The following VWF variants were observed in gnomAD, a reference collection of about 807,000 sequenced individuals.
VWF encodes Factor VIII related antigen.
Under a neutral mutation model 308.6 loss-of-function variants are expected in VWF, and 176 were observed. The ratio of observed to expected loss-of-function variants is 0.57; its 90% CI spans 0.50 to 0.65. VWF has a LOEUF of 0.65. Ranked by LOEUF, VWF falls within the 30% of genes least tolerant of loss-of-function variation. VWF has a pLI of 0.00. For missense variants in VWF, 3,146 were observed against 3,648.2 expected (o/e 0.86, Z 3.55); for synonymous variants, 1,385 against 1,443.4 (o/e 0.96, Z 0.92).
intron 48 of VWF, among the ~76,000 whole-genome samples, chr12:5,952,808 G>C (rs1453788203): frequency 1.3e-5 from 2 of 152,222 alleles, no homozygotes; most frequent in African/African-American, 4.8e-5. Flanking sequence ...AACTGAACTA[G>C]AGATGAACGA....
intron 2 of VWF, among the ~76,000 whole-genome samples, chr12:6,122,296 T>C (rs939757352): frequency 6.6e-6 from 1 of 152,234 alleles, no homozygotes; most frequent in Non-Finnish European, 1.5e-5. Flanking sequence ...TGAGCATCTT[T>C]GTACATAAAT....
chr12:6,102,360 T>G (rs969470268), intron 5 of VWF, among the ~76,000 whole-genome samples: 3 of 152,106 alleles, frequency 2.0e-5, no homozygotes, highest in African/African-American at 7.2e-5. Context: ...GAGAATAGCT[T>G]GAACCTGGGA....
chr12:6,099,193 G>T (rs1304936499), intron 5 of VWF, among the ~76,000 whole-genome samples: 1 of 151,664 alleles, frequency 6.6e-6, no homozygotes, highest in Non-Finnish European at 1.5e-5. Context: ...GGGGGTGGAT[G>T]CCTGTAATCC....
chr12:5,948,882 C>T lies in VWF; in HGVS notation c.*133G>A. 1.8e-6 allele frequency: 2 copies of T among 1,124,250 alleles called. No homozygotes were observed. Among genetic ancestry groups the T allele is most frequent in the Admixed American group, 2.0e-5 (1 of 49,882 alleles). The allele number at this position is 1,124,250 out of a possible 1,614,324, so 69.6% of individuals were successfully genotyped here. On this transcript the variant is annotated 3_prime_UTR_variant, in exon 52 of 52. Transcript: ENST00000261405. This position sits in a 1 kb window ranked among gnomAD's most constrained non-coding sequence, Gnocchi z 4.4. ...GACACAGTGCACCAGCAGCCTTTTG[C>T]AAGATAAGAGCTCAGCCTTTATTGT...
rs1213221818 is a variant in VWF at position 5,991,980 on chromosome 12, C to T, written c.6637G>A (p.Glu2213Lys). The stretch of plus-strand genomic sequence containing the variant: ...TCACAGTGCCGGGGACAGCCATGCT[C>T]ACAGTGGTTGTAGACCAGAGATGGT... ...CPPSLVYNHC[E>K]HGCPRHCDGN... Residue 2213 changes from glutamate (E) to lysine (K), a missense_variant, in exon 38 of 52, where the codon GAG becomes AAG. Coordinates refer to ENST00000261405, the MANE Select transcript of VWF (RefSeq NM_000552.5). 8 of 1,614,200 alleles carry T rather than the reference C, an allele frequency of 5.0e-6. No individual in the cohort carries two copies. The highest frequency in any genetic ancestry group is 2.2e-5 in the South Asian group (2 of 91,072).
intron 15 of VWF, among the ~76,000 whole-genome samples, chr12:6,055,801 G>A (rs1944572550): frequency 2.1e-5 from 1 of 46,546 alleles, no homozygotes; most frequent in South Asian, 7.8e-4. Flanking sequence ...CACACACAGG[G>A]TCTTTCTCTG....
chr12:6,107,518 G>A (rs1481709363), intron 5 of VWF, among the ~76,000 whole-genome samples: 5 of 152,192 alleles, frequency 3.3e-5, no homozygotes, highest in African/African-American at 1.2e-4. Flanking sequence ...TGAAAGAATG[G>A]AAAAAGATAC....
intron 42 of VWF, among the ~76,000 whole-genome samples, chr12:5,978,160 A>G (rs1943552414): frequency 7.7e-6 from 1 of 129,104 alleles, no homozygotes; most frequent in Non-Finnish European, 1.8e-5. Flanking sequence ...ATCATAATAT[A>G]ATTATAATAG....
At chr12:5,983,981 T>TAGATAGATAGAC (rs1943644851) in intron 40 of VWF, among the ~76,000 whole-genome samples, 3 of 99,808 alleles carry the variant, frequency 3.0e-5, no homozygotes, top group Admixed American at 1.1e-4. Context: ...GATGGATAGA[T>TAGATAGATAGAC]AGATAGATAG....
At chr12:6,093,638 C>G (rs888590777) in intron 6 of VWF, among the ~76,000 whole-genome samples, 3 of 152,230 alleles carry the variant, frequency 2.0e-5, no homozygotes, top group African/African-American at 7.2e-5. Context: ...AGGGCAACAA[C>G]CCCTGTTCCC....
intron 3 of VWF, among the ~76,000 whole-genome samples, chr12:6,120,933 C>T (rs1200698122): frequency 3.3e-5 from 5 of 152,200 alleles, no homozygotes; most frequent in Admixed American, 2.6e-4. Context: ...CCCAGAGCAA[C>T]GGACACAGTG....
At chr12:6,082,006 G>A (rs963264554) in intron 6 of VWF, among the ~76,000 whole-genome samples, 9 of 150,708 alleles carry the variant, frequency 6.0e-5, no homozygotes, top group Non-Finnish European at 1.0e-4. Context: ...TCGCTCTGTC[G>A]CCCAGGCTGG....
At position 6,063,193 on chromosome 12, in the gene VWF, G is replaced by C; in HGVS notation, c.1433-139C>G. On this transcript the variant is annotated intron_variant, in intron 12 of 51. Coordinates refer to ENST00000261405, the MANE Select transcript of VWF (RefSeq NM_000552.5). The surrounding 1 kb of genome is among the most constrained non-coding windows in gnomAD (Gnocchi z 4.9). ...CAATGACTTAGGGGCAGATGGGGTG[G>C]CCATGAGGTTTAAGGGGGTGTCAGG... is the stretch of plus-strand genomic sequence containing the variant. 4.0e-6 allele frequency: 3 copies of C among 743,684 alleles called. No individual in the cohort carries two copies. Among genetic ancestry groups the C allele is most frequent in the Non-Finnish European group, 7.0e-6 (3 of 429,368 alleles). The allele number at this position is 743,684 out of a possible 1,614,324, so 46.1% of individuals were successfully genotyped here. A position where few individuals can be genotyped will look rare whatever the true frequency, so the allele number is the denominator to read the frequency against.
At chr12:6,089,952 C>T (rs1945012470) in intron 6 of VWF, among the ~76,000 whole-genome samples, 1 of 149,194 alleles carries the variant, frequency 6.7e-6, no homozygotes, top group Non-Finnish European at 1.5e-5. Context: ...GAAAATCTGT[C>T]CTCTTTTTTC....
At chr12:5,953,671 G>T in intron 47 of VWF, 77 bp from the exon 48 acceptor site, 1 of 1,214,312 alleles carries the variant, frequency 8.2e-7, no homozygotes, top group Non-Finnish European at 1.2e-6. Flanking sequence ...TGATTTTGCT[G>T]GCCTCTCATC....
chr12:6,044,709 C>T (rs147429706), intron 17 of VWF, among the ~76,000 whole-genome samples: 26 of 152,318 alleles, frequency 1.7e-4, no homozygotes, highest in African/African-American at 6.3e-4. Flanking sequence ...CCATACTTGT[C>T]ATCACCCTTA....
chr12:5,983,390 T>TAC, intron 40 of VWF, 136 bp from the exon 41 acceptor site: 1 of 510,076 alleles, frequency 2.0e-6, no homozygotes, highest in Non-Finnish European at 3.3e-6. Flanking sequence ...AGACAGAGAT[T>TAC]ACATGGGTTA....
intron 38 of VWF, among the ~76,000 whole-genome samples, chr12:5,988,757 T>C (rs1474166698): frequency 6.6e-6 from 1 of 152,322 alleles, no homozygotes; most frequent in East Asian, 1.9e-4. Flanking sequence ...GGCCGGCAGA[T>C]GGCACTGCTG....
chr12:6,074,793 A>C (rs1253464481), intron 7 of VWF, among the ~76,000 whole-genome samples: 1 of 152,226 alleles, frequency 6.6e-6, no homozygotes, highest in Non-Finnish European at 1.5e-5. Flanking sequence ...GACAGTGACC[A>C]TAACTAGGCA....
Sources: gnomAD v4.1 joint callset for allele counts (sites outside exome capture counted in the v4.1 genomes callset) on GRCh38, gnomAD v4.1.1 for gene constraint, Gnocchi (gnomAD v3.1) non-coding constraint, MANE v1.5 for transcripts, NCBI Gene and HGNC (gene_info 2026-07-23, HGNC 2026-07-21) for gene names.